DPF3: variants seen among roughly 807,000 people sequenced by gnomAD.
The protein encoded by DPF3 is double PHD fingers 3.
Under a neutral mutation model 56.8 loss-of-function variants are expected in DPF3, and 18 were observed. The ratio of observed to expected loss-of-function variants is 0.32; its 90% CI spans 0.22 to 0.47. DPF3 has a LOEUF of 0.47. Among genes scored for constraint, DPF3 ranks in the 20% least tolerant of loss-of-function variants. The probability of loss-of-function intolerance (pLI) is 1.00; values close to 1 mark genes in which losing one functional copy is unlikely to be tolerated. For missense variants in DPF3, 403 were observed against 488.8 expected (o/e 0.82, Z 1.65); for synonymous variants, 188 against 180.2 (o/e 1.04, Z -0.35).
intron 9 of DPF3, among the ~76,000 whole-genome samples, chr14:72,627,484 C>G (rs1884902392): frequency 1.3e-5 from 2 of 152,000 alleles, no homozygotes; most frequent in Non-Finnish European, 2.9e-5. Flanking sequence ...TATTTATGGG[C>G]TTTCTATTCT....
intron 6 of DPF3, among the ~76,000 whole-genome samples, chr14:72,699,460 T>C (rs1403256674): frequency 7.1e-6 from 1 of 140,508 alleles, no homozygotes; most frequent in Non-Finnish European, 1.5e-5. Context: ...AGGTCGAGGG[T>C]GCAGTGAGCC....
intron 1 of DPF3, among the ~76,000 whole-genome samples, chr14:72,859,725 G>A (rs1885321540): frequency 6.6e-6 from 1 of 152,062 alleles, no homozygotes; most frequent in African/African-American, 2.4e-5. Context: ...AGATGCTGGG[G>A]ACTCAGCAGT....
chr14:72,786,672 T>C (rs1567232455), intron 1 of DPF3, among the ~76,000 whole-genome samples: 1 of 152,102 alleles, frequency 6.6e-6, no homozygotes, highest in Non-Finnish European at 1.5e-5. Context: ...TACAAAATAA[T>C]AGAATAGGAA....
intron 8 of DPF3, among the ~76,000 whole-genome samples, chr14:72,673,379 C>G (rs1020968916): frequency 6.6e-6 from 1 of 152,150 alleles, no homozygotes; most frequent in African/African-American, 2.4e-5. Flanking sequence ...GCTGATGAGA[C>G]TAAAAATGGG....
intron 1 of DPF3, chr14:72,853,279 A>G (rs1426772578): frequency 2.0e-5 from 3 of 152,046 alleles, no homozygotes; most frequent in Non-Finnish European, 2.9e-5. Flanking sequence ...CAAGGAGTTC[A>G]ATCTGTAACT....
intron 2 of DPF3, among the ~76,000 whole-genome samples, chr14:72,762,938 C>G (rs1891123321): frequency 6.6e-6 from 1 of 151,730 alleles, no homozygotes; most frequent in South Asian, 2.1e-4. Flanking sequence ...GAAGAATATA[C>G]TAAATTAATT....
At chr14:72,735,758 C>T (rs1341422935) in intron 3 of DPF3, among the ~76,000 whole-genome samples, 1 of 152,196 alleles carries the variant, frequency 6.6e-6, no homozygotes, top group African/African-American at 2.4e-5. Context: ...GGGCTAGCTA[C>T]GTAACCTAAG....
intron 1 of DPF3, among the ~76,000 whole-genome samples, chr14:72,833,394 T>C (rs927840207): frequency 6.6e-6 from 1 of 152,094 alleles, no homozygotes; most frequent in Non-Finnish European, 1.5e-5. Context: ...TTTGAACGTG[T>C]TGAGGTCCTG....
At chr14:72,789,155 C>T (rs1170223260) in intron 1 of DPF3, among the ~76,000 whole-genome samples, 6 of 152,300 alleles carry the variant, frequency 3.9e-5, no homozygotes, top group African/African-American at 1.2e-4. Flanking sequence ...GTACTGCATC[C>T]GTACTGAATC....
At chr14:72,702,462 C>T (rs1187182210) in intron 6 of DPF3, among the ~76,000 whole-genome samples, 1 of 152,112 alleles carries the variant, frequency 6.6e-6, no homozygotes, top group African/African-American at 2.4e-5. Flanking sequence ...TCATCTTGCC[C>T]ACACCTTCAT....
intron 1 of DPF3, among the ~76,000 whole-genome samples, chr14:72,786,988 G>A (rs1892234210): frequency 6.6e-6 from 1 of 152,256 alleles, no homozygotes; most frequent in South Asian, 2.1e-4. Flanking sequence ...CTGCTGCTGA[G>A]GCAGCTGAAG....
intron 9 of DPF3, among the ~76,000 whole-genome samples, chr14:72,624,795 A>T (rs1416960127): frequency 6.6e-6 from 1 of 152,256 alleles, no homozygotes; most frequent in African/African-American, 2.4e-5. Flanking sequence ...GTGATTTTGT[A>T]AATGTCACTC....
At chr14:72,831,660 A>G (rs578164625) in intron 1 of DPF3, among the ~76,000 whole-genome samples, 1 of 152,326 alleles carries the variant, frequency 6.6e-6, no homozygotes, top group Admixed American at 6.5e-5. Context: ...TGAGCCAAGA[A>G]CTCAAGGCTT....
At chr14:72,861,737 G>GAA (rs1555513992) in intron 1 of DPF3, among the ~76,000 whole-genome samples, 2 of 84,536 alleles carry the variant, frequency 2.4e-5, no homozygotes, top group Non-Finnish European at 4.8e-5. Context: ...AAGAAAGAAA[G>GAA]AGAAAGAAAG....
intron 6 of DPF3, 142 bp downstream of exon 6, chr14:72,714,281 G>A: frequency 1.9e-6 from 2 of 1,055,620 alleles, no homozygotes; most frequent in Non-Finnish European, 2.7e-6. Flanking sequence ...GGAGGCGGCA[G>A]GCGAGTAAGC....
chr14:72,622,348 C>T (rs891381216), intron 9 of DPF3, among the ~76,000 whole-genome samples: 3 of 152,082 alleles, frequency 2.0e-5, no homozygotes, highest in African/African-American at 4.8e-5. Flanking sequence ...GGGATGAAGA[C>T]GAGCACACTG....
chr14:72,755,469 C>T (rs986494488), intron 2 of DPF3, among the ~76,000 whole-genome samples: 1 of 152,128 alleles, frequency 6.6e-6, no homozygotes, highest in African/African-American at 2.4e-5. Flanking sequence ...AGGAAGAGCA[C>T]GTGAGTCCTG....
chr14:72,661,811 G>A (rs1567192499), intron 8 of DPF3: 2 of 984,054 alleles, frequency 2.0e-6, no homozygotes, highest in African/African-American at 3.5e-5. Context: ...GGAGTTGTTA[G>A]GTGACTGAAC....
chr14:72,713,731 C>G (rs573265322), intron 6 of DPF3, among the ~76,000 whole-genome samples: 3 of 152,294 alleles, frequency 2.0e-5, no homozygotes, highest in African/African-American at 7.2e-5. Context: ...CTGGAGCTGA[C>G]CACCTCCCTC....
Sources: allele counts gnomAD v4.1 joint callset (sites outside exome capture counted in the v4.1 genomes callset), GRCh38; gene constraint gnomAD v4.1.1; transcripts MANE v1.5; gene names NCBI Gene and HGNC (gene_info 2026-07-23, HGNC 2026-07-21).